Variants in RALGPS2 observed in about 807,000 individuals in gnomAD.
The protein encoded by RALGPS2 is ras-specific guanine nucleotide-releasing factor RalGPS2.
Under a neutral mutation model 86.8 loss-of-function variants are expected in RALGPS2, and 43 were observed. The observed-to-expected ratio is 0.50, with a 90% CI of 0.39 to 0.64. The LOEUF (loss-of-function observed/expected upper bound fraction) is 0.64. Ranked by LOEUF, RALGPS2 falls within the 30% of genes least tolerant of loss-of-function variation. RALGPS2 has a pLI of 0.00. For synonymous variants in RALGPS2, 243 were observed against 231.3 expected (o/e 1.05, Z -0.46); for missense variants, 536 against 694.6 (o/e 0.77, Z 2.57).
chr1:178,831,256 T>G (rs1656005036), intron 7 of RALGPS2, among the ~76,000 whole-genome samples: 1 of 152,166 alleles, frequency 6.6e-6, no homozygotes, highest in Non-Finnish European at 1.5e-5. Flanking sequence ...CAGGCTCTAA[T>G]GATAATTGAG....
At chr1:178,909,061 A>G (rs1436345559) in intron 19 of RALGPS2, among the ~76,000 whole-genome samples, 1 of 152,164 alleles carries the variant, frequency 6.6e-6, no homozygotes, top group Non-Finnish European at 1.5e-5. Context: ...TCTTTAATCC[A>G]TCTTGAGTTG....
intron 1 of RALGPS2, chr1:178,747,409 C>A (rs1427879731): frequency 9.0e-6 from 14 of 1,551,834 alleles, no homozygotes; most frequent in Non-Finnish European, 1.2e-5. Flanking sequence ...CATCTTCTGA[C>A]AAGAGCTTCA....
At chr1:178,749,662 A>C (rs1223466231) in intron 1 of RALGPS2, among the ~76,000 whole-genome samples, 1 of 152,142 alleles carries the variant, frequency 6.6e-6, no homozygotes. Context: ...TTTGATGAGG[A>C]TCTTAGAAGT....
At chr1:178,818,997 T>C (rs1413329852) in intron 6 of RALGPS2, among the ~76,000 whole-genome samples, 2 of 151,006 alleles carry the variant, frequency 1.3e-5, no homozygotes, top group East Asian at 1.9e-4. Flanking sequence ...TTTCTTTTTT[T>C]TTTTTTTTTG....
intron 4 of RALGPS2, among the ~76,000 whole-genome samples, chr1:178,797,642 G>A (rs1473483173): frequency 6.6e-6 from 1 of 152,062 alleles, no homozygotes; most frequent in Non-Finnish European, 1.5e-5. Context: ...GTTTTCCTCA[G>A]CAGTTACATC....
intron 8 of RALGPS2, among the ~76,000 whole-genome samples, chr1:178,872,462 TG>T (rs1367938844): frequency 6.6e-6 from 1 of 152,218 alleles, no homozygotes; most frequent in Non-Finnish European, 1.5e-5. Flanking sequence ...TAAAGGGATC[TG>T]CCTGCACCTT....
chr1:178,739,926 T>C (rs192546476), intron 1 of RALGPS2, among the ~76,000 whole-genome samples: 104 of 152,308 alleles, frequency 6.8e-4, no homozygotes, highest in Non-Finnish European at 1.5e-4. Flanking sequence ...CAATATGGCC[T>C]AACAGATATA....
At chr1:178,749,532 A>G (rs1651531431) in intron 1 of RALGPS2, among the ~76,000 whole-genome samples, 1 of 152,182 alleles carries the variant, frequency 6.6e-6, no homozygotes, top group South Asian at 2.1e-4. Flanking sequence ...GTAGATATGA[A>G]TGGAAGAATA....
chr1:178,775,441 T>C (rs564064232), intron 1 of RALGPS2, among the ~76,000 whole-genome samples: 1 of 152,282 alleles, frequency 6.6e-6, no homozygotes, highest in Admixed American at 6.5e-5. Context: ...ATTTCTCTTA[T>C]GAAAAACGTC....
intron 2 of RALGPS2, among the ~76,000 whole-genome samples, chr1:178,777,261 C>G (rs1183019885): frequency 2.0e-5 from 3 of 151,966 alleles, no homozygotes; most frequent in Non-Finnish European, 4.4e-5. Flanking sequence ...GACAAACAGA[C>G]AGCCAAATCA....
chr1:178,793,479 A>G (rs1654054758), intron 4 of RALGPS2, among the ~76,000 whole-genome samples: 2 of 146,808 alleles, frequency 1.4e-5, no homozygotes, highest in Non-Finnish European at 3.0e-5. Flanking sequence ...GGCTCAAGTG[A>G]TCCTCCCACC....
chr1:178,842,681 A>T (rs1474346730), intron 8 of RALGPS2, among the ~76,000 whole-genome samples: 1 of 145,794 alleles, frequency 6.9e-6, no homozygotes, highest in Non-Finnish European at 1.5e-5. Flanking sequence ...GAGCTTCTGC[A>T]CAGCAAAAGA....
intron 17 of RALGPS2, among the ~76,000 whole-genome samples, chr1:178,901,102 A>G (rs1251707398): frequency 6.6e-6 from 1 of 152,104 alleles, no homozygotes; most frequent in Non-Finnish European, 1.5e-5. Flanking sequence ...GTTGTTATGA[A>G]TGTGCCATGT....
At chr1:178,760,189 A>G (rs906217823) in intron 1 of RALGPS2, among the ~76,000 whole-genome samples, 5 of 152,070 alleles carry the variant, frequency 3.3e-5, no homozygotes, top group Non-Finnish European at 7.4e-5. Context: ...TGGGTGGAGT[A>G]TTCTGTAGGT....
At chr1:178,834,209 C>G (rs901440301) in intron 8 of RALGPS2, among the ~76,000 whole-genome samples, 3 of 151,996 alleles carry the variant, frequency 2.0e-5, no homozygotes, top group Non-Finnish European at 4.4e-5. Flanking sequence ...GTATGTAAAT[C>G]AAACATAAGG....
chr1:178,831,635 C>CA (rs1228322581), intron 7 of RALGPS2, among the ~76,000 whole-genome samples: 2 of 149,700 alleles, frequency 1.3e-5, no homozygotes, highest in African/African-American at 5.0e-5. Flanking sequence ...CCGCCCCCCC[C>CA]ACCCCCAGCG....
chr1:178,821,720 T>C lies in RALGPS2; in HGVS notation c.480+16T>C, dbSNP rs888993665. ...AACATGGGCGGTGAGTAATATTCTT[T>C]AGTTAATGAAAGGTTAGACTTCCTG... On this transcript the variant is annotated intron_variant, in intron 7 of 19. Coordinates refer to ENST00000367635, the MANE Select transcript of RALGPS2 (RefSeq NM_152663.5). The C allele has an allele frequency of 1.0e-5, 16 of 1,571,810 alleles. No individual in the cohort carries two copies. The highest frequency in any genetic ancestry group is 1.7e-5 in the Admixed American group (1 of 59,104).
At chr1:178,822,019 G>T (rs1655532216) in intron 7 of RALGPS2, among the ~76,000 whole-genome samples, 1 of 152,076 alleles carries the variant, frequency 6.6e-6, no homozygotes, top group Non-Finnish European at 1.5e-5. Context: ...CAAAAAAATT[G>T]CATTTAATCG....
At chr1:178,728,307 T>A (rs1225402416) in intron 1 of RALGPS2, among the ~76,000 whole-genome samples, 1 of 152,186 alleles carries the variant, frequency 6.6e-6, no homozygotes, top group African/African-American at 2.4e-5. Flanking sequence ...TAAATAACTT[T>A]TAAACCATAA....
Sources: gnomAD v4.1 joint callset for allele counts (sites outside exome capture counted in the v4.1 genomes callset) on GRCh38, gnomAD v4.1.1 for gene constraint, MANE v1.5 for transcripts, NCBI Gene and HGNC (gene_info 2026-07-23, HGNC 2026-07-21) for gene names.